The following RBPMS variants were observed in gnomAD, a reference collection of about 807,000 sequenced individuals.
RBPMS encodes the protein RNA-binding protein with multiple splicing.
In RBPMS, 7 loss-of-function variants were observed where a neutral mutation model predicts 26.8. The ratio of observed to expected loss-of-function variants is 0.26; its 90% CI spans 0.15 to 0.49. The LOEUF is 0.49. RBPMS is among the 20% of genes least tolerant of loss of function. RBPMS has a pLI of 0.98. For missense variants in RBPMS, 186 were observed against 250.0 expected, an observed-to-expected ratio of 0.74 and a Z score of 1.73; for synonymous variants, 96 against 93.3, an observed-to-expected ratio of 1.03 and a Z score of -0.17.
Position 30,554,327 on chromosome 8 carries a change from C to T in RBPMS, c.529-4560C>T, listed in dbSNP as rs144013746. On this transcript the variant is annotated intron_variant, in intron 6 of 8. Coordinates refer to ENST00000397323, the MANE Select transcript of RBPMS (RefSeq NM_001008710.3). ...TACCACTGGAAGGGACCTTCCAGAC[C>T]AGCATTTCTCAACACCCACAGGGAT... is the stretch of plus-strand genomic sequence containing the variant. Among the ~76,000 whole-genome samples, 474 of 152,292 alleles carry T rather than the reference C, an allele frequency of 3.1e-3. 1 individual carries two copies. The highest frequency in any genetic ancestry group is 6.8e-3 in the Middle Eastern group (2 of 294).
intron 1 of RBPMS, among the ~76,000 whole-genome samples, chr8:30,421,981 G>T (rs1810850231): frequency 6.6e-6 from 1 of 151,338 alleles, no homozygotes; most frequent in South Asian, 2.1e-4. Context: ...AAAAAAAGCT[G>T]GTTGCTATGA....
intron 5 of RBPMS, among the ~76,000 whole-genome samples, chr8:30,511,396 C>T (rs954032895): frequency 6.2e-4 from 91 of 147,038 alleles, no homozygotes; most frequent in African/African-American, 1.9e-3. Context: ...CCGAGGCAGG[C>T]GGGTTGCCTG....
At chr8:30,484,645 T>G (rs1818603844) in intron 4 of RBPMS, among the ~76,000 whole-genome samples, 1 of 152,202 alleles carries the variant, frequency 6.6e-6, no homozygotes, top group Non-Finnish European at 1.5e-5. Context: ...TCTTGACTAT[T>G]GAAAAATTTT....
At chr8:30,422,768 CCA>C (rs1810943243) in intron 1 of RBPMS, among the ~76,000 whole-genome samples, 1 of 152,066 alleles carries the variant, frequency 6.6e-6, no homozygotes, top group Non-Finnish European at 1.5e-5. Context: ...GTGTAGATAA[CCA>C]CACCCAAGAA....
At chr8:30,545,784 G>A (rs1825819712) in intron 6 of RBPMS, among the ~76,000 whole-genome samples, 2 of 152,150 alleles carry the variant, frequency 1.3e-5, no homozygotes, top group African/African-American at 4.8e-5. Context: ...CGTTGTGCGT[G>A]CATTGATGAC....
chr8:30,433,108 C>A (rs549092994), intron 1 of RBPMS, among the ~76,000 whole-genome samples: 4 of 152,300 alleles, frequency 2.6e-5, no homozygotes, highest in South Asian at 4.2e-4. Flanking sequence ...CTCACTCCCC[C>A]CAAACTTGAC....
chr8:30,473,693 C>A (rs1456782540), intron 1 of RBPMS, among the ~76,000 whole-genome samples: 2 of 152,232 alleles, frequency 1.3e-5, no homozygotes, highest in East Asian at 1.9e-4. Flanking sequence ...TGGAATCAAC[C>A]CAAATGTCCA....
intron 1 of RBPMS, among the ~76,000 whole-genome samples, chr8:30,437,941 AGAG>A (rs1297709369): frequency 7.2e-5 from 11 of 152,326 alleles, no homozygotes; most frequent in Non-Finnish European, 1.5e-5. Context: ...CCTGGGTGAC[AGAG>A]TGAGACTCCG....
At chr8:30,419,697 G>A (rs935794393) in intron 1 of RBPMS, among the ~76,000 whole-genome samples, 2 of 151,930 alleles carry the variant, frequency 1.3e-5, no homozygotes, top group Admixed American at 6.6e-5. Flanking sequence ...TATATGAAGC[G>A]AATGAATTTT....
chr8:30,460,706 T>A (rs1470093741), intron 1 of RBPMS, among the ~76,000 whole-genome samples: 6 of 152,204 alleles, frequency 3.9e-5, no homozygotes, highest in African/African-American at 1.4e-4. Context: ...TTGAAACCTC[T>A]CTTTTTAAAG....
chr8:30,551,664 C>G (rs1009709566), intron 6 of RBPMS, among the ~76,000 whole-genome samples: 1 of 152,140 alleles, frequency 6.6e-6, no homozygotes, highest in Non-Finnish European at 1.5e-5. Context: ...CTGGAAGTGC[C>G]GTCTGCGCTC....
intron 1 of RBPMS, among the ~76,000 whole-genome samples, chr8:30,450,977 A>G (rs1428018160): frequency 1.3e-5 from 2 of 152,144 alleles, no homozygotes; most frequent in Non-Finnish European, 2.9e-5. Context: ...ATCAAAAAAT[A>G]TGGTGACTAG....
chr8:30,467,090 G>C, intron 1 of RBPMS, among the ~76,000 whole-genome samples: 1 of 152,198 alleles, frequency 6.6e-6, no homozygotes, highest in Non-Finnish European at 1.5e-5. Flanking sequence ...ACTGGAGCTT[G>C]ACCAAAGCCA....
intron 5 of RBPMS, among the ~76,000 whole-genome samples, chr8:30,542,685 A>G (rs1825505237): frequency 6.6e-6 from 1 of 152,242 alleles, no homozygotes; most frequent in South Asian, 2.1e-4. Flanking sequence ...AACAACAATA[A>G]TAGTTTGGCA....
intron 5 of RBPMS, chr8:30,537,654 T>G: frequency 2.2e-6 from 1 of 456,206 alleles, no homozygotes; most frequent in Non-Finnish European, 4.4e-6. Context: ...CTTGATTGAT[T>G]CACATCCTGG....
intron 1 of RBPMS, among the ~76,000 whole-genome samples, chr8:30,408,793 T>C (rs1467990417): frequency 6.6e-6 from 1 of 152,192 alleles, no homozygotes; most frequent in African/African-American, 2.4e-5. Context: ...CACCACTATC[T>C]AATTTTAGAA....
At chr8:30,567,339 C>T (rs1013015843) in intron 8 of RBPMS, among the ~76,000 whole-genome samples, 7 of 152,308 alleles carry the variant, frequency 4.6e-5, no homozygotes, top group African/African-American at 1.4e-4. Context: ...ACCCACCTCC[C>T]ACCACCCCAG....
intron 1 of RBPMS, among the ~76,000 whole-genome samples, chr8:30,442,218 G>C (rs1282498489): frequency 6.6e-6 from 1 of 152,170 alleles, no homozygotes; most frequent in Non-Finnish European, 1.5e-5. Flanking sequence ...ATTCTAAACA[G>C]TATTTCCTGG....
Position 30,474,869 on chromosome 8 carries a change from A to G in RBPMS, c.144+13A>G, listed in dbSNP as rs1368767106. 17 of 1,541,862 alleles carry G rather than the reference A, an allele frequency of 1.1e-5. No individual in the cohort carries two copies. Among genetic ancestry groups the G allele is most frequent in the Admixed American group, 5.1e-5 (3 of 58,990 alleles). On this transcript the variant is annotated intron_variant, in intron 2 of 8. Transcript: ENST00000397323. ...CAGACCATTTAAGGTACCTTTTTTTATCTTTCAGAAATTATAAAATGAGAC... is the reference window on the plus strand; with the variant it reads ...CAGACCATTTAAGGTACCTTTTTTTGTCTTTCAGAAATTATAAAATGAGAC...
Sources: allele counts gnomAD v4.1 joint callset (sites outside exome capture counted in the v4.1 genomes callset), GRCh38; gene constraint gnomAD v4.1.1; transcripts MANE v1.5; gene names NCBI Gene and HGNC (gene_info 2026-07-23, HGNC 2026-07-21).